RORA: variants seen among roughly 807,000 people sequenced by gnomAD.
RORA encodes the protein RAR related orphan receptor A, also known as nuclear receptor ROR-alpha.
A neutral mutation model predicts 69.5 loss-of-function variants in RORA; 7 were observed. The ratio of observed to expected loss-of-function variants is 0.10; its 90% confidence interval spans 0.06 to 0.19. The LOEUF (loss-of-function observed/expected upper bound fraction) is 0.19, where lower values mean the gene tolerates loss of function less well. RORA is among the 10% of genes least tolerant of loss of function. The pLI is 1.00. For synonymous variants in RORA, 261 were observed against 240.8 expected, an observed-to-expected ratio of 1.08 and a Z score of -0.78; for missense variants, 457 against 663.0, an observed-to-expected ratio of 0.69 and a Z score of 3.41.
chr15:61,185,244 C>G (rs1237503098), intron 1 of RORA, among the ~76,000 whole-genome samples: 1 of 152,030 alleles, frequency 6.6e-6, no homozygotes, highest in East Asian at 1.9e-4. Context: ...TCTGCTGACA[C>G]TCTGATTTCT....
intron 1 of RORA, among the ~76,000 whole-genome samples, chr15:60,958,014 T>C (rs998376941): frequency 3.9e-5 from 6 of 152,192 alleles, no homozygotes; most frequent in African/African-American, 1.4e-4. Context: ...AGCCAACTGC[T>C]TTGATTCAAT....
At position 60,819,431 on chromosome 15, in the gene RORA, A is replaced by G. The variant is rs574790880; in HGVS notation, c.167-140745T>C. Among the ~76,000 whole-genome samples the G allele has an allele frequency of 2.6e-5, 4 of 152,320 alleles. No individual in the cohort carries two copies. The East Asian group carries it at 7.7e-4, about 29-fold the overall frequency. ...ATAATACATCTCTCCTGAAAATACTAGGTAACTTAGCCTTTTCTTCATTCC... is the reference window on the plus strand; with the variant it reads ...ATAATACATCTCTCCTGAAAATACTGGGTAACTTAGCCTTTTCTTCATTCC... On this transcript the variant is annotated intron_variant, in intron 1 of 10. Transcript: ENST00000335670.
intron 1 of RORA, among the ~76,000 whole-genome samples, chr15:61,021,385 T>G (rs1026520358): frequency 2.0e-5 from 3 of 152,194 alleles, no homozygotes; most frequent in Non-Finnish European, 4.4e-5. Context: ...TCCAAACCTG[T>G]GTCTGTTTAA....
intron 1 of RORA, among the ~76,000 whole-genome samples, chr15:60,778,214 GGTTTTT>G (rs200066091): frequency 0.03 from 4,367 of 143,206 alleles, 189 homozygotes; most frequent in African/African-American, 0.09. Flanking sequence ...GCTGGGCTCA[GGTTTTT>G]GTTTTTGTTT....
chr15:60,820,199 G>C (rs1310438580), intron 1 of RORA, among the ~76,000 whole-genome samples: 5 of 152,252 alleles, frequency 3.3e-5, no homozygotes, highest in African/African-American at 4.8e-5. Context: ...GGGTGGTTCA[G>C]GGAATTTACA....
At chr15:60,655,381 G>A (rs1403575260) in intron 2 of RORA, among the ~76,000 whole-genome samples, 1 of 152,100 alleles carries the variant, frequency 6.6e-6, no homozygotes, top group East Asian at 1.9e-4. Flanking sequence ...GCTCTTTCCT[G>A]GGAGCAAGTA....
chr15:61,183,330 TTCCA>T (rs2079706348), intron 1 of RORA, among the ~76,000 whole-genome samples: 1 of 152,146 alleles, frequency 6.6e-6, no homozygotes, highest in Non-Finnish European at 1.5e-5. Flanking sequence ...AGGTCAGGCG[TTCCA>T]GGCCAGCCTG....
intron 2 of RORA, among the ~76,000 whole-genome samples, chr15:60,567,818 T>A (rs1263695770): frequency 6.6e-6 from 1 of 152,220 alleles, no homozygotes; most frequent in Non-Finnish European, 1.5e-5. Flanking sequence ...TTTTTCTTTC[T>A]CATGCCAATA....
At chr15:60,813,528 A>G (rs2072771612) in intron 1 of RORA, among the ~76,000 whole-genome samples, 1 of 152,208 alleles carries the variant, frequency 6.6e-6, no homozygotes, top group Non-Finnish European at 1.5e-5. Flanking sequence ...GGGGTCTGGA[A>G]TCTGTTGACT....
chr15:60,605,130 T>C (rs1305789981), intron 2 of RORA, among the ~76,000 whole-genome samples: 1 of 152,172 alleles, frequency 6.6e-6, no homozygotes, highest in Admixed American at 6.5e-5. Context: ...TGTTATTCTG[T>C]CAACCTAGCT....
intron 1 of RORA, among the ~76,000 whole-genome samples, chr15:60,891,756 GC>G (rs1199443128): frequency 6.6e-6 from 1 of 152,186 alleles, no homozygotes; most frequent in African/African-American, 2.4e-5. Context: ...AGCCTACTCT[GC>G]ATGCTGTTTT....
At chr15:60,687,036 A>T (rs909717095) in intron 1 of RORA, 6 of 152,282 alleles carry the variant, frequency 3.9e-5, no homozygotes, top group African/African-American at 1.4e-4. Flanking sequence ...AGAAGCATAG[A>T]TAGACCAAGG....
At chr15:61,105,797 T>C (rs1271147820) in intron 1 of RORA, among the ~76,000 whole-genome samples, 1 of 152,168 alleles carries the variant, frequency 6.6e-6, no homozygotes, top group Non-Finnish European at 1.5e-5. Flanking sequence ...AGAACAAAAG[T>C]GATATCTACA....
At chr15:60,777,326 T>C (rs1001646243) in intron 1 of RORA, among the ~76,000 whole-genome samples, 2 of 152,196 alleles carry the variant, frequency 1.3e-5, no homozygotes, top group African/African-American at 4.8e-5. Context: ...CCTCATGGTA[T>C]CATGGAAAAT....
chr15:60,623,974 G>A (rs907391581), intron 2 of RORA, among the ~76,000 whole-genome samples: 4 of 146,706 alleles, frequency 2.7e-5, no homozygotes, highest in African/African-American at 4.9e-5. Context: ...ATTCTTGCTC[G>A]AAGGTTGGAA....
At chr15:60,654,083 G>A (rs2070186629) in intron 2 of RORA, among the ~76,000 whole-genome samples, 1 of 152,160 alleles carries the variant, frequency 6.6e-6, no homozygotes, top group African/African-American at 2.4e-5. Context: ...TAGCATGCCT[G>A]TCATTTTAGT....
At chr15:61,137,079 GAAAGA>G in intron 1 of RORA, among the ~76,000 whole-genome samples, 1 of 148,328 alleles carries the variant, frequency 6.7e-6, no homozygotes, top group African/African-American at 2.6e-5. Flanking sequence ...AAGAAAGAAA[GAAAGA>G]AAGAAAGAAA....
chr15:61,001,790 C>G (rs1418553535), intron 1 of RORA, among the ~76,000 whole-genome samples: 7 of 152,150 alleles, frequency 4.6e-5, no homozygotes, highest in African/African-American at 1.7e-4. Flanking sequence ...AGGAATAGGA[C>G]AGAGAGTGAC....
intron 2 of RORA, chr15:60,650,579 T>C (rs1024215883): frequency 1.3e-5 from 2 of 152,122 alleles, no homozygotes; most frequent in African/African-American, 4.8e-5. Flanking sequence ...TGAGAAAGGT[T>C]TCTCATGGTG....
Sources: allele counts gnomAD v4.1 joint callset (sites outside exome capture counted in the v4.1 genomes callset), GRCh38; gene constraint gnomAD v4.1.1; transcripts MANE v1.5; gene names NCBI Gene and HGNC (gene_info 2026-07-23, HGNC 2026-07-21).